The following SGCD variants were observed in gnomAD, a reference collection of about 807,000 sequenced individuals.
The protein encoded by SGCD is delta-sarcoglycan.
SGCD carries 18 observed loss-of-function variants against 36.6 expected under a neutral mutation model. The ratio of observed to expected loss-of-function variants is 0.49; its 90% CI spans 0.34 to 0.73. SGCD has a LOEUF of 0.73. Among genes scored for constraint, SGCD ranks in the 30% least tolerant of loss-of-function variants. The pLI is 0.01. For synonymous variants in SGCD, 133 were observed against 130.6 expected (o/e 1.02, Z -0.12); for missense variants, 387 against 346.7 (o/e 1.12, Z -0.92).
At chr5:156,241,251 C>CGTGT (rs60843726) in intron 3 of SGCD, among the ~76,000 whole-genome samples, 26,060 of 144,998 alleles carry the variant, frequency 0.18, 2,456 homozygotes, top group Admixed American at 0.23. Flanking sequence ...TAGACCAAAA[C>CGTGT]GTGTGTGTGT....
Position 156,460,099 on chromosome 5 carries a change from G to A in SGCD, c.193-48502G>A, listed in dbSNP as rs149700041. On this transcript the variant is annotated intron_variant, in intron 3 of 8. Coordinates refer to ENST00000337851, the MANE Select transcript of SGCD (RefSeq NM_000337.6). Reference sequence around the variant, plus strand: ...CTGAAGGTCAATTAGAACAATGATGGAAGGCAGTTAATTTCCTGTTTATAA... The same window carrying A: ...CTGAAGGTCAATTAGAACAATGATGAAAGGCAGTTAATTTCCTGTTTATAA... Among the ~76,000 whole-genome samples the A allele has an allele frequency of 4.3e-4, 65 of 152,262 alleles. 1 individual carries two copies. The highest frequency in any genetic ancestry group is 7.2e-4 in the Non-Finnish European group (49 of 67,996).
intron 3 of SGCD, among the ~76,000 whole-genome samples, chr5:156,291,214 C>T (rs140008199): frequency 3.3e-5 from 5 of 152,076 alleles, no homozygotes; most frequent in East Asian, 1.9e-4. Flanking sequence ...TTAGCAACAC[C>T]GTATTCTATA....
At chr5:156,520,305 A>G (rs958892462) in intron 4 of SGCD, among the ~76,000 whole-genome samples, 4 of 152,252 alleles carry the variant, frequency 2.6e-5, no homozygotes, top group Non-Finnish European at 5.9e-5. Context: ...AATACAGCTA[A>G]CAAGAAAATG....
chr5:156,256,062 A>G (rs1420465666), intron 3 of SGCD, among the ~76,000 whole-genome samples: 1 of 152,158 alleles, frequency 6.6e-6, no homozygotes, highest in African/African-American at 2.4e-5. Flanking sequence ...TTAGTTTTGC[A>G]TGTATCTGTT....
At chr5:155,877,315 ACTCATGG>A (rs2113287504) in intron 1 of SGCD, among the ~76,000 whole-genome samples, 1 of 152,276 alleles carries the variant, frequency 6.6e-6, no homozygotes, top group Non-Finnish European at 1.5e-5. Flanking sequence ...TTGCCAAGTT[ACTCATGG>A]CCAACTTAAA....
chr5:156,005,102 A>G (rs1208872071), intron 1 of SGCD, among the ~76,000 whole-genome samples: 2 of 152,170 alleles, frequency 1.3e-5, no homozygotes, highest in African/African-American at 2.4e-5. Flanking sequence ...GCTTTAAGAT[A>G]AATCTGCAGA....
intron 3 of SGCD, among the ~76,000 whole-genome samples, chr5:156,486,243 T>C (rs1755652772): frequency 6.6e-6 from 1 of 151,990 alleles, no homozygotes. Flanking sequence ...GTGGTGCATC[T>C]AGATCTTCAG....
intron 1 of SGCD, among the ~76,000 whole-genome samples, chr5:155,916,291 G>A (rs73301358): frequency 1.7e-3 from 260 of 152,240 alleles, no homozygotes; most frequent in African/African-American, 5.9e-3. Context: ...AAAGGTAGCT[G>A]TACTATAATT....
At chr5:155,860,997 G>A in the SGCD span, among the ~76,000 whole-genome samples, 1 of 152,148 alleles carries the variant, frequency 6.6e-6, no homozygotes, top group South Asian at 2.1e-4. Context: ...TTCATTTGAG[G>A]AAAAAGCAGA....
At chr5:156,156,294 A>G (rs1019592064) in intron 3 of SGCD, among the ~76,000 whole-genome samples, 3 of 151,562 alleles carry the variant, frequency 2.0e-5, no homozygotes, top group Non-Finnish European at 2.9e-5. Context: ...TTCATTTCTC[A>G]TATTCCCAAA....
In SGCD at chr5:156,760,804, C is replaced by A. The variant is rs1197058382; in HGVS notation, c.*1414C>A. 6.5e-6 allele frequency: 1 copy of A among 152,686 alleles called. No individual in the cohort carries two copies. The highest frequency in any genetic ancestry group is 1.5e-5 in the Non-Finnish European group (1 of 68,074). The allele number at this position is 152,686 out of a possible 1,614,324, so 9.5% of individuals were successfully genotyped here. ...GGGGAAATGTGCCTATGCCTTAAGT[C>A]AATGCACTCAGCAAGGAGAAGCACA... is the stretch of plus-strand genomic sequence containing the variant. On this transcript the variant is annotated 3_prime_UTR_variant, in exon 9 of 9. Transcript: ENST00000337851.
At chr5:156,581,219 C>T (rs530345395) in intron 4 of SGCD, among the ~76,000 whole-genome samples, 7 of 152,198 alleles carry the variant, frequency 4.6e-5, no homozygotes, top group South Asian at 4.1e-4. Flanking sequence ...GCCTGAGTAT[C>T]GCCAGCGGAG....
chr5:155,957,545 CTT>C (rs971729576), intron 1 of SGCD, among the ~76,000 whole-genome samples: 6 of 152,060 alleles, frequency 3.9e-5, no homozygotes, highest in African/African-American at 1.4e-4. Flanking sequence ...TCTATATCCT[CTT>C]TGTTTCAGCT....
chr5:155,753,697 G>C, the SGCD span, among the ~76,000 whole-genome samples: 4 of 152,172 alleles, frequency 2.6e-5, no homozygotes, highest in Non-Finnish European at 5.9e-5. Flanking sequence ...CTAGTAGCCT[G>C]TGAGGCTCTC....
At chr5:156,082,162 G>T (rs774625344) in intron 1 of SGCD, among the ~76,000 whole-genome samples, 11 of 151,690 alleles carry the variant, frequency 7.3e-5, no homozygotes, top group Non-Finnish European at 1.6e-4. Context: ...TTTTTCTTTG[G>T]TGGGTCCAGA....
At chr5:156,184,929 C>T (rs886331121) in intron 3 of SGCD, among the ~76,000 whole-genome samples, 5 of 152,162 alleles carry the variant, frequency 3.3e-5, no homozygotes, top group Admixed American at 2.6e-4. Flanking sequence ...ATTATAAAAA[C>T]AATAATCTCA....
At chr5:156,504,006 C>T (rs1278923263) in intron 3 of SGCD, among the ~76,000 whole-genome samples, 1 of 151,808 alleles carries the variant, frequency 6.6e-6, no homozygotes, top group South Asian at 2.1e-4. Flanking sequence ...GAGTTTGAGA[C>T]CAGCCTGGCC....
At chr5:156,070,547 G>T in intron 1 of SGCD, among the ~76,000 whole-genome samples, 1 of 150,856 alleles carries the variant, frequency 6.6e-6, no homozygotes, top group Non-Finnish European at 1.5e-5. Context: ...ATTTTATTGA[G>T]GATTTTTGCA....
chr5:155,892,459 GA>G (rs70981989), intron 1 of SGCD, among the ~76,000 whole-genome samples: 55 of 94,294 alleles, frequency 5.8e-4, no homozygotes, highest in Admixed American at 2.1e-3. Context: ...ATCTGAAAAA[GA>G]AAAAAAAAAA....
Sources: gnomAD v4.1 joint callset for allele counts (sites outside exome capture counted in the v4.1 genomes callset) on GRCh38, gnomAD v4.1.1 for gene constraint, MANE v1.5 for transcripts, NCBI Gene and HGNC (gene_info 2026-07-23, HGNC 2026-07-21) for gene names.